ANKFN1: variants seen among roughly 807,000 people sequenced by gnomAD.
ANKFN1 encodes ankyrin repeat and fibronectin type III domain containing 1, also known as ankyrin repeat and fibronectin type-III domain-containing protein 1.
In ANKFN1, 74 loss-of-function variants were observed where a neutral mutation model predicts 108.7. The ratio of observed to expected loss-of-function variants is 0.68; its 90% CI spans 0.56 to 0.83. The LOEUF is 0.83. Ranked by LOEUF, ANKFN1 falls within the 40% of genes least tolerant of loss-of-function variation. The probability of loss-of-function intolerance (pLI) is 0.00; values close to 1 mark genes in which losing one functional copy is unlikely to be tolerated. For synonymous variants in ANKFN1, 547 were observed against 516.2 expected (o/e 1.06, Z -0.81); for missense variants, 1,505 against 1,382.3 (o/e 1.09, Z -1.41).
intron 4 of ANKFN1, among the ~76,000 whole-genome samples, chr17:56,102,076 C>T (rs1905657941): frequency 6.6e-6 from 1 of 152,202 alleles, no homozygotes; most frequent in African/African-American, 2.4e-5. Context: ...GGAAACCCAC[C>T]TCCAACGCTT....
chr17:56,241,626 G>T (rs1598292412), intron 3 of ANKFN1, among the ~76,000 whole-genome samples: 2 of 152,020 alleles, frequency 1.3e-5, no homozygotes, highest in East Asian at 3.9e-4. Context: ...GGTTGAAACT[G>T]CAAAAAGTAC....
At chr17:56,253,248 G>A (rs2043278600) in intron 3 of ANKFN1, among the ~76,000 whole-genome samples, 1 of 152,110 alleles carries the variant, frequency 6.6e-6, no homozygotes, top group Admixed American at 6.5e-5. Context: ...AATTTTGGTT[G>A]GCATCAAATC....
In ANKFN1 at chr17:56,350,851, G is replaced by T; in HGVS notation, c.274G>T (p.Ala92Ser). 1 of 1,613,780 alleles carries T rather than the reference G, an allele frequency of 6.2e-7. No homozygotes were observed. Among genetic ancestry groups the T allele is most frequent in the Non-Finnish European group, 8.5e-7 (1 of 1,179,872 alleles). The change falls in exon 5 of 21, where the codon GCA (alanine) becomes TCA (serine). Residue 92 changes from alanine (A) to serine (S), a missense_variant. Coordinates refer to ENST00000682825, the MANE Select transcript of ANKFN1 (RefSeq NM_001370326.1). Reference protein sequence around the residue: ...KKHSAPSSPNAAKRLYRNLSE... With the variant: ...KKHSAPSSPNSAKRLYRNLSE... ...ACATAGTGCTCCCTCATCTCCCAAC[G>T]CAGCCAAACGCCTGTACAGGAACCT...
At chr17:56,266,857 A>G (rs1567873442) in intron 3 of ANKFN1, among the ~76,000 whole-genome samples, 1 of 152,202 alleles carries the variant, frequency 6.6e-6, no homozygotes, top group Non-Finnish European at 1.5e-5. Context: ...GCTAACAGCC[A>G]CAAAACTCAA....
At chr17:56,271,958 A>T (rs996522560) in intron 3 of ANKFN1, among the ~76,000 whole-genome samples, 3 of 152,208 alleles carry the variant, frequency 2.0e-5, no homozygotes, top group Non-Finnish European at 4.4e-5. Context: ...TCTGATATAA[A>T]AAGGGTACCC....
intron 4 of ANKFN1, among the ~76,000 whole-genome samples, chr17:56,078,422 TG>T (rs1290575924): frequency 2.0e-5 from 3 of 152,110 alleles, no homozygotes; most frequent in African/African-American, 7.2e-5. Flanking sequence ...AGGAAAAAAA[TG>T]GGGGAGCTCA....
At chr17:56,367,712 A>G (rs1213196453) in intron 6 of ANKFN1, among the ~76,000 whole-genome samples, 2 of 152,178 alleles carry the variant, frequency 1.3e-5, no homozygotes, top group Non-Finnish European at 2.9e-5. Flanking sequence ...CAAACCTTGC[A>G]GAGATCAGGA....
At chr17:56,370,329 G>A (rs1022732270) in intron 6 of ANKFN1, among the ~76,000 whole-genome samples, 1 of 152,136 alleles carries the variant, frequency 6.6e-6, no homozygotes, top group Non-Finnish European at 1.5e-5. Flanking sequence ...TGGTTCTAGG[G>A]AAAGCAGAAA....
At chr17:56,486,131 T>C (rs560511210) in intron 18 of ANKFN1, among the ~76,000 whole-genome samples, 2 of 152,340 alleles carry the variant, frequency 1.3e-5, no homozygotes, top group East Asian at 3.9e-4. Flanking sequence ...CTTTCATCTA[T>C]GAAAAATAGG....
At position 56,386,185 on chromosome 17, in the gene ANKFN1, A is replaced by G. The variant is rs895769824; in HGVS notation, c.910+11471A>G. Among the ~76,000 whole-genome samples, 8 of 151,416 alleles carry G rather than the reference A, an allele frequency of 5.3e-5. 1 individual carries two copies. Among genetic ancestry groups the G allele is most frequent in the African/African-American group, 1.9e-4 (8 of 41,366 alleles). On this transcript the variant is annotated intron_variant, in intron 8 of 20. Transcript: ENST00000682825. Reference sequence around the variant, plus strand: ...TGTCCTTTGTAGGGACATGGATGAAACTGGAAATCATCATTCTCAGTAAAC... The same window carrying G: ...TGTCCTTTGTAGGGACATGGATGAAGCTGGAAATCATCATTCTCAGTAAAC...
At chr17:56,410,408 T>A (rs1339565814) in intron 8 of ANKFN1, among the ~76,000 whole-genome samples, 1 of 152,188 alleles carries the variant, frequency 6.6e-6, no homozygotes, top group Non-Finnish European at 1.5e-5. Context: ...TATTATTATT[T>A]TTAATTCACA....
At chr17:56,146,055 C>T (rs1336889467) in intron 4 of ANKFN1, among the ~76,000 whole-genome samples, 2 of 152,054 alleles carry the variant, frequency 1.3e-5, no homozygotes, top group African/African-American at 2.4e-5. Context: ...AGAAATTGGC[C>T]AAAACTAAGG....
chr17:56,359,853 A>T (rs750144251), intron 6 of ANKFN1, among the ~76,000 whole-genome samples: 34 of 151,892 alleles, frequency 2.2e-4, no homozygotes, highest in Non-Finnish European at 4.1e-4. Flanking sequence ...CTCCTGGGAG[A>T]CCCCACACTT....
intron 2 of ANKFN1, among the ~76,000 whole-genome samples, chr17:56,219,899 A>C (rs1915717422): frequency 1.3e-5 from 2 of 152,252 alleles, no homozygotes; most frequent in African/African-American, 2.4e-5. Context: ...TTGGCTTTTT[A>C]ATATTAAGCT....
At chr17:56,426,877 G>A (rs1456931978) in intron 8 of ANKFN1, among the ~76,000 whole-genome samples, 2 of 152,212 alleles carry the variant, frequency 1.3e-5, no homozygotes, top group Non-Finnish European at 2.9e-5. Context: ...AGCTGAGCCT[G>A]GGAATGGAGA....
At chr17:56,383,925 C>T (rs1407213909) in intron 8 of ANKFN1, among the ~76,000 whole-genome samples, 2 of 152,204 alleles carry the variant, frequency 1.3e-5, no homozygotes, top group African/African-American at 4.8e-5. Context: ...ACCATTACTT[C>T]TCAAACTATT....
intron 3 of ANKFN1, among the ~76,000 whole-genome samples, chr17:56,234,824 T>G (rs1264544531): frequency 6.6e-6 from 1 of 152,214 alleles, no homozygotes; most frequent in East Asian, 1.9e-4. Context: ...CACATACATG[T>G]GTCTTTATGG....
intron 3 of ANKFN1, among the ~76,000 whole-genome samples, chr17:56,315,781 A>C (rs2045187390): frequency 6.6e-6 from 1 of 152,208 alleles, no homozygotes; most frequent in South Asian, 2.1e-4. Context: ...AGTCTGGGAC[A>C]AAATGAAGAA....
At chr17:56,311,006 A>G (rs2045006517) in intron 3 of ANKFN1, among the ~76,000 whole-genome samples, 2 of 152,178 alleles carry the variant, frequency 1.3e-5, no homozygotes, top group Non-Finnish European at 2.9e-5. Context: ...CACTAGAGTG[A>G]CGTCATGAAG....
Sources: allele counts gnomAD v4.1 joint callset (sites outside exome capture counted in the v4.1 genomes callset), GRCh38; gene constraint gnomAD v4.1.1; transcripts MANE v1.5; gene names NCBI Gene and HGNC (gene_info 2026-07-23, HGNC 2026-07-21).